The following NKAIN2 variants were observed in gnomAD, a reference collection of about 807,000 sequenced individuals.
The protein encoded by NKAIN2 is sodium/potassium transporting ATPase interacting 2, also known as sodium/potassium-transporting ATPase subunit beta-1-interacting protein 2.
In NKAIN2, 14 loss-of-function variants were observed where a neutral mutation model predicts 32.6. That is an observed-to-expected ratio of 0.43 (90% CI 0.28 to 0.67). NKAIN2 has a LOEUF of 0.67. Ranked by LOEUF, NKAIN2 falls within the 30% of genes least tolerant of loss-of-function variation. The pLI is 0.17. For missense variants in NKAIN2, 198 were observed against 258.3 expected (o/e 0.77, Z 1.60); for synonymous variants, 80 against 87.2 (o/e 0.92, Z 0.46).
intron 1 of NKAIN2, among the ~76,000 whole-genome samples, chr6:124,260,080 C>A (rs554617705): frequency 1.1e-4 from 17 of 152,288 alleles, no homozygotes; most frequent in African/African-American, 3.8e-4. Flanking sequence ...TAATAACAAG[C>A]AAGTGCCTTC....
intron 3 of NKAIN2, chr6:124,490,392 G>C (rs755257064): frequency 9.2e-6 from 4 of 432,732 alleles, no homozygotes; most frequent in South Asian, 6.6e-5. Flanking sequence ...AAAGGAAACA[G>C]ACCGTATAGA....
At chr6:124,653,444 CAAAAAAAAAAA>C (rs35842873) in intron 3 of NKAIN2, among the ~76,000 whole-genome samples, 8 of 79,706 alleles carry the variant, frequency 1.0e-4, no homozygotes, top group African/African-American at 1.5e-4. Flanking sequence ...CATCCACATG[CAAAAAAAAAAA>C]AAAAAAAAAA....
chr6:124,066,705 T>C (rs1019723972), intron 1 of NKAIN2, among the ~76,000 whole-genome samples: 1 of 152,204 alleles, frequency 6.6e-6, no homozygotes, highest in African/African-American at 2.4e-5. Flanking sequence ...TGTGTTTTTA[T>C]GTAAAAAGCT....
chr6:123,964,508 C>G lies in NKAIN2; in HGVS notation c.54+160254C>G, dbSNP rs567341075. 6.6e-6 allele frequency among the ~76,000 whole-genome samples: 1 copy of G among 152,290 alleles called. No individual in the cohort carries two copies. Among genetic ancestry groups the G allele is most frequent in the African/African-American group, 2.4e-5 (1 of 41,576 alleles). On this transcript the variant is annotated intron_variant, in intron 1 of 6. Transcript: ENST00000368417. The surrounding 1 kb of genome is among the most constrained non-coding windows in gnomAD (Gnocchi z 4.0). ...CTCTGCTATGCAAACTAAGTTCCTT[C>G]TCATCTCTATATCATCTCATTTCTA... is the stretch of plus-strand genomic sequence containing the variant.
intron 3 of NKAIN2, among the ~76,000 whole-genome samples, chr6:124,654,962 A>G (rs1414072687): frequency 1.3e-5 from 2 of 152,166 alleles, no homozygotes; most frequent in East Asian, 3.9e-4. Flanking sequence ...GTACTTTGTT[A>G]TGGCAGCCCT....
At chr6:124,076,788 A>T (rs1783715387) in intron 1 of NKAIN2, among the ~76,000 whole-genome samples, 1 of 152,224 alleles carries the variant, frequency 6.6e-6, no homozygotes, top group African/African-American at 2.4e-5. Context: ...ATTTAAGAGC[A>T]TAAATCTGTA....
chr6:123,908,772 G>A (rs900831551), intron 1 of NKAIN2, among the ~76,000 whole-genome samples: 3 of 152,062 alleles, frequency 2.0e-5, no homozygotes, highest in African/African-American at 7.2e-5. Context: ...TTTACTTTTT[G>A]GAAAAAATAA....
chr6:124,652,706 A>G (rs1023984962), intron 3 of NKAIN2, among the ~76,000 whole-genome samples: 2 of 152,214 alleles, frequency 1.3e-5, no homozygotes, highest in Admixed American at 6.5e-5. Context: ...AGGCATCACC[A>G]GGTAGAAGGG....
At chr6:124,241,744 T>A (rs1223658190) in intron 1 of NKAIN2, among the ~76,000 whole-genome samples, 1 of 152,168 alleles carries the variant, frequency 6.6e-6, no homozygotes, top group African/African-American at 2.4e-5. Flanking sequence ...AGCTTTCTAC[T>A]GGAGAAATTA....
At chr6:124,175,002 C>A (rs1011253664) in intron 1 of NKAIN2, among the ~76,000 whole-genome samples, 1 of 152,120 alleles carries the variant, frequency 6.6e-6, no homozygotes, top group Admixed American at 6.6e-5. Flanking sequence ...CAGAATGATT[C>A]TCCTTTTACT....
intron 3 of NKAIN2, among the ~76,000 whole-genome samples, chr6:124,486,380 T>C (rs1301555068): frequency 1.3e-5 from 2 of 152,180 alleles, no homozygotes; most frequent in African/African-American, 2.4e-5. Context: ...AAAAACCTCT[T>C]ACTCCTTTAT....
chr6:124,476,397 CTGTGTGTGTGTGTGTGTGTGTGTGTG>C (rs56691516), intron 3 of NKAIN2, among the ~76,000 whole-genome samples: 11 of 137,924 alleles, frequency 8.0e-5, no homozygotes, highest in Non-Finnish European at 1.7e-4. Context: ...ATGTATGTGA[CTGTGTGTGTGTGTGTGTGTGTGTGTG>C]TGTGTGTGTG....
chr6:124,798,976 G>T (rs973383796), intron 5 of NKAIN2, among the ~76,000 whole-genome samples: 1 of 152,168 alleles, frequency 6.6e-6, no homozygotes, highest in African/African-American at 2.4e-5. Flanking sequence ...GAATCAATTG[G>T]ATCTCCACAA....
intron 1 of NKAIN2, among the ~76,000 whole-genome samples, chr6:124,075,688 C>T (rs373199129): frequency 4.4e-4 from 67 of 152,206 alleles, no homozygotes; most frequent in African/African-American, 1.5e-3. Context: ...CTCTGCCTCC[C>T]GGGTTCAAGC....
At chr6:124,181,317 G>T (rs1324841882) in intron 1 of NKAIN2, among the ~76,000 whole-genome samples, 2 of 152,092 alleles carry the variant, frequency 1.3e-5, no homozygotes, top group Non-Finnish European at 2.9e-5. Flanking sequence ...TCTATAATGG[G>T]AGGGGATTCC....
At chr6:124,775,937 G>A (rs988403100) in intron 4 of NKAIN2, among the ~76,000 whole-genome samples, 1 of 152,120 alleles carries the variant, frequency 6.6e-6, no homozygotes, top group African/African-American at 2.4e-5. Flanking sequence ...CAAGGCCAAG[G>A]GCAGCAACAA....
rs557467819 is a variant in NKAIN2 at position 124,212,532 on chromosome 6, T to C, written c.55-70473T>C. ...GACAGCAGCCCAGTGAGGCCCTGTATGGACCTGTTCAGTATCAATGAAACA... is the reference window on the plus strand; with the variant it reads ...GACAGCAGCCCAGTGAGGCCCTGTACGGACCTGTTCAGTATCAATGAAACA... On this transcript the variant is annotated intron_variant, in intron 1 of 6. Transcript: ENST00000368417. Among the ~76,000 whole-genome samples, 19 of 152,178 alleles carry C rather than the reference T, an allele frequency of 1.2e-4. No homozygotes were observed. The South Asian group carries it at 3.5e-3, about 28-fold the overall frequency.
chr6:123,894,391 TA>T (rs1309198046), intron 1 of NKAIN2, among the ~76,000 whole-genome samples: 4 of 152,270 alleles, frequency 2.6e-5, no homozygotes, highest in Admixed American at 6.5e-5. Flanking sequence ...CAACGAAATC[TA>T]GAAACCATTA....
intron 1 of NKAIN2, among the ~76,000 whole-genome samples, chr6:124,065,805 T>C (rs1317434215): frequency 6.6e-6 from 1 of 152,222 alleles, no homozygotes; most frequent in African/African-American, 2.4e-5. Flanking sequence ...CAGTTGCATA[T>C]TTCTTCTTTT....
Sources: gnomAD v4.1 joint callset for allele counts (sites outside exome capture counted in the v4.1 genomes callset) on GRCh38, gnomAD v4.1.1 for gene constraint, Gnocchi (gnomAD v3.1) non-coding constraint, MANE v1.5 for transcripts, NCBI Gene and HGNC (gene_info 2026-07-23, HGNC 2026-07-21) for gene names.